The following COL24A1 variants were observed in gnomAD, a reference collection of about 807,000 sequenced individuals.
COL24A1 encodes collagen type XXIV alpha 1 chain.
A neutral mutation model predicts 253.9 loss-of-function variants in COL24A1; 224 were observed. The ratio of observed to expected loss-of-function variants is 0.88; its 90% CI spans 0.79 to 0.99. The LOEUF is 0.99. Ranked by LOEUF, COL24A1 falls within the 50% of genes least tolerant of loss-of-function variation. COL24A1 has a pLI of 0.00. For synonymous variants in COL24A1, 685 were observed against 673.7 expected (o/e 1.02, Z -0.26); for missense variants, 2,131 against 2,068.5 (o/e 1.03, Z -0.59).
intron 38 of COL24A1, among the ~76,000 whole-genome samples, chr1:85,848,412 C>T (rs1266525214): frequency 2.0e-5 from 3 of 152,104 alleles, no homozygotes; most frequent in African/African-American, 7.2e-5. Context: ...TGGATTCAAG[C>T]GATTCTCCTG....
intron 24 of COL24A1, among the ~76,000 whole-genome samples, chr1:85,942,658 A>C (rs2103198446): frequency 6.6e-6 from 1 of 152,348 alleles, no homozygotes; most frequent in Middle Eastern, 3.4e-3. Context: ...CCTAAAGTCT[A>C]AAATTCCAAA....
At chr1:86,090,054 G>C (rs1411334359) in intron 6 of COL24A1, among the ~76,000 whole-genome samples, 2 of 152,150 alleles carry the variant, frequency 1.3e-5, no homozygotes, top group East Asian at 3.9e-4. Flanking sequence ...CTGCGTGCCA[G>C]CTACACAGAA....
chr1:85,943,714 C>G (rs752210104), intron 24 of COL24A1, among the ~76,000 whole-genome samples: 13 of 152,158 alleles, frequency 8.5e-5, no homozygotes, highest in Non-Finnish European at 1.6e-4. Context: ...TCTTTAAATA[C>G]GAGTGCAGCA....
intron 53 of COL24A1, among the ~76,000 whole-genome samples, chr1:85,765,543 GA>G (rs5775867): frequency 0.78 from 112,047 of 143,940 alleles, 43,707 homozygotes; most frequent in Non-Finnish European, 0.82. Flanking sequence ...TGTCTCTACC[GA>G]AAAAAAAAAA....
At chr1:85,907,414 C>T (rs922387487) in intron 27 of COL24A1, among the ~76,000 whole-genome samples, 167 bp from the exon 28 acceptor site, 2 of 151,864 alleles carry the variant, frequency 1.3e-5, no homozygotes, top group Non-Finnish European at 2.9e-5. Flanking sequence ...CAATATTCTG[C>T]TTTTGAAATA....
intron 24 of COL24A1, among the ~76,000 whole-genome samples, chr1:85,922,816 A>C (rs1686683470): frequency 6.6e-6 from 1 of 152,242 alleles, no homozygotes; most frequent in Non-Finnish European, 1.5e-5. Flanking sequence ...CACACATAAC[A>C]ATATTAACCT....
chr1:85,786,147 T>C (rs1669659216), intron 48 of COL24A1, among the ~76,000 whole-genome samples: 1 of 151,950 alleles, frequency 6.6e-6, no homozygotes, highest in African/African-American at 2.4e-5. Flanking sequence ...GGTCAAAGAG[T>C]TGTTATGACA....
At chr1:86,048,434 C>T (rs180690147) in intron 11 of COL24A1, among the ~76,000 whole-genome samples, 1 of 151,902 alleles carries the variant, frequency 6.6e-6, no homozygotes, top group African/African-American at 2.4e-5. Flanking sequence ...GACACAGTAC[C>T]CGTGAGGGGC....
intron 32 of COL24A1, among the ~76,000 whole-genome samples, chr1:85,886,762 T>A (rs1682559995): frequency 6.6e-6 from 1 of 152,180 alleles, no homozygotes; most frequent in South Asian, 2.1e-4. Flanking sequence ...AATAACAAAC[T>A]TTTCCTTGAT....
Position 85,907,203 on chromosome 1 carries a change from T to G in COL24A1, c.2769A>C (p.Lys923Asn), listed in dbSNP as rs1243053839. 1 of 1,611,254 alleles carries G rather than the reference T, an allele frequency of 6.2e-7. No individual in the cohort carries two copies. The highest frequency in any genetic ancestry group is 2.2e-5 in the East Asian group (1 of 44,822). The change falls in exon 28 of 60, where the codon AAA becomes AAC. Residue 923 changes from lysine to asparagine, a missense_variant. Physicochemically the swap from Lys to Asn is moderately conservative, Grantham distance 94. Transcript: ENST00000370571. Reference protein sequence around the residue: ...ARGPPGSQGPKGQRGSRGPDG... With the variant: ...ARGPPGSQGPNGQRGSRGPDG... The stretch of plus-strand genomic sequence containing the variant: ...TCCTTAGATTACTTACTCTTTGTCC[T>G]TTAGGACCTTGACTCCCAGGTGGTC...
rs1019128634 is a variant in COL24A1 at position 86,031,872 on chromosome 1, A to G, written c.2049+6T>C. 3.1e-6 allele frequency: 5 copies of G among 1,600,164 alleles called. No homozygotes were observed. The highest frequency in any genetic ancestry group is 2.3e-5 in the South Asian group (2 of 88,618). On this transcript the variant is annotated splice_donor_region_variant and intron_variant, in intron 14 of 59. Coordinates refer to ENST00000370571, the MANE Select transcript of COL24A1 (RefSeq NM_152890.7). ...CTTAAGAATGATGATATTTAGTGAT[A>G]CTCACTCTAAGCCCAGGAAACCCCG...
intron 11 of COL24A1, 98 bp from the exon 12 acceptor site, chr1:86,046,967 GA>G: frequency 2.6e-6 from 2 of 780,470 alleles, no homozygotes; most frequent in East Asian, 5.0e-5. Flanking sequence ...GTATGAAAAA[GA>G]CAAAAACAAA....
intron 4 of COL24A1, among the ~76,000 whole-genome samples, chr1:86,113,419 T>C (rs1443097928): frequency 6.6e-6 from 1 of 152,198 alleles, no homozygotes; most frequent in East Asian, 1.9e-4. Flanking sequence ...ACATAACATA[T>C]AGTTAATAAT....
At chr1:86,043,581 G>C (rs368284083) in intron 12 of COL24A1, among the ~76,000 whole-genome samples, 5 of 151,686 alleles carry the variant, frequency 3.3e-5, no homozygotes, top group Admixed American at 2.0e-4. Context: ...AGGCTGGAGT[G>C]CAGTGGCACG....
At chr1:85,775,895 C>T (rs1043413536) in intron 52 of COL24A1, among the ~76,000 whole-genome samples, 186 bp from the exon 53 acceptor site, 1 of 152,070 alleles carries the variant, frequency 6.6e-6, no homozygotes, top group Non-Finnish European at 1.5e-5. Flanking sequence ...AAACAAAAAA[C>T]CCTTAGTGAT....
chr1:85,811,455 C>G (rs189504279), intron 47 of COL24A1, among the ~76,000 whole-genome samples: 1 of 151,712 alleles, frequency 6.6e-6, no homozygotes, highest in African/African-American at 2.4e-5. Context: ...ATATATATAC[C>G]CAGAAGTGGA....
intron 37 of COL24A1, among the ~76,000 whole-genome samples, chr1:85,861,032 C>T (rs895918350): frequency 5.3e-5 from 8 of 152,092 alleles, no homozygotes; most frequent in African/African-American, 1.9e-4. Context: ...AGTGGAATTG[C>T]TGGGTCATAT....
At chr1:85,904,039 A>G (rs1374251580) in intron 28 of COL24A1, among the ~76,000 whole-genome samples, 1 of 152,186 alleles carries the variant, frequency 6.6e-6, no homozygotes, top group Non-Finnish European at 1.5e-5. Flanking sequence ...GCTTCCCCCT[A>G]TATGGTAAGC....
intron 19 of COL24A1, among the ~76,000 whole-genome samples, chr1:85,991,821 CTT>C (rs1694303596): frequency 6.6e-6 from 1 of 151,752 alleles, no homozygotes. Flanking sequence ...AAAATTGAAA[CTT>C]TATTGAAAAG....
Sources: gnomAD v4.1 joint callset for allele counts (sites outside exome capture counted in the v4.1 genomes callset) on GRCh38, gnomAD v4.1.1 for gene constraint, MANE v1.5 for transcripts, NCBI Gene and HGNC (gene_info 2026-07-23, HGNC 2026-07-21) for gene names.